The following ORC5 variants were observed in gnomAD, a reference collection of about 807,000 sequenced individuals.
ORC5 encodes the protein protein phosphatase 1, regulatory subunit 117.
In ORC5, 39 loss-of-function variants were observed where a neutral mutation model predicts 58.8. The ratio of observed to expected loss-of-function variants is 0.66; its 90% CI spans 0.51 to 0.87. ORC5 has a LOEUF of 0.87. ORC5 is among the 40% of genes least tolerant of loss of function. The pLI, the probability that ORC5 is intolerant of heterozygous loss-of-function variation, is 0.00. For missense variants in ORC5, 493 were observed against 506.3 expected (o/e 0.97, Z 0.25); for synonymous variants, 218 against 177.6 (o/e 1.23, Z -1.81).
At chr7:104,160,128 T>C (rs1003899376) in intron 12 of ORC5, among the ~76,000 whole-genome samples, 2 of 152,308 alleles carry the variant, frequency 1.3e-5, no homozygotes, top group South Asian at 2.1e-4. Flanking sequence ...TAAATGTAGA[T>C]ACAATTTTCT....
At chr7:104,139,150 T>G (rs931268986) in intron 12 of ORC5, among the ~76,000 whole-genome samples, 3 of 152,244 alleles carry the variant, frequency 2.0e-5, no homozygotes, top group Non-Finnish European at 4.4e-5. Context: ...TTAAACTATC[T>G]GTAATACCTA....
At chr7:104,180,930 C>A (rs1397503409) in intron 8 of ORC5, among the ~76,000 whole-genome samples, 1 of 152,128 alleles carries the variant, frequency 6.6e-6, no homozygotes, top group East Asian at 1.9e-4. Flanking sequence ...CTCTGTCATC[C>A]TACAGTTATT....
At chr7:104,183,753 A>G (rs1162622841) in intron 8 of ORC5, among the ~76,000 whole-genome samples, 190 bp downstream of exon 8, 2 of 152,220 alleles carry the variant, frequency 1.3e-5, no homozygotes, top group Non-Finnish European at 2.9e-5. Context: ...TTCTTCCTTT[A>G]AAAACCTTGT....
chr7:104,165,151 G>C (rs1799085278), intron 11 of ORC5, 84 bp downstream of exon 11: 1 of 707,418 alleles, frequency 1.4e-6, no homozygotes, highest in Non-Finnish European at 2.4e-6. Context: ...ATATTCAAAT[G>C]ACAAATACAA....
At chr7:104,202,604 A>G (rs1403926735) in intron 2 of ORC5, 1 of 434,664 alleles carries the variant, frequency 2.3e-6, no homozygotes, top group Non-Finnish European at 4.6e-6. Flanking sequence ...AGCAGAAACT[A>G]CAGTGTGATA....
In ORC5 at chr7:104,188,137, C is replaced by T. The variant is rs116488459; in HGVS notation, c.684+114G>A. 7.4e-4 allele frequency: 708 copies of T among 955,858 alleles called. No homozygotes were observed. The African/African-American group carries it at 0.01, about 14-fold the overall frequency. The allele number at this position is 955,858 out of a possible 1,614,324, so 59.2% of individuals were successfully genotyped here. On this transcript the variant is annotated intron_variant, in intron 6 of 13. Transcript: ENST00000297431. ...CCAGAATAAAATTTCAGTTTCTAAC[C>T]TATCTCATACCATTTCTACATGGAA...
intron 8 of ORC5, 116 bp from the exon 9 acceptor site, chr7:104,168,641 A>G: frequency 1.9e-6 from 1 of 516,500 alleles, no homozygotes; most frequent in Non-Finnish European, 3.4e-6. Context: ...AACAGAAAAG[A>G]AAAATATATA....
intron 4 of ORC5, among the ~76,000 whole-genome samples, chr7:104,196,601 C>A (rs1241211279): frequency 1.3e-5 from 2 of 152,116 alleles, no homozygotes; most frequent in African/African-American, 2.4e-5. Flanking sequence ...CTCTAAACTT[C>A]CAGCAGATTC....
intron 12 of ORC5, among the ~76,000 whole-genome samples, chr7:104,142,834 G>A (rs1798694255): frequency 6.6e-6 from 1 of 152,148 alleles, no homozygotes; most frequent in African/African-American, 2.4e-5. Flanking sequence ...ACTATGAAAA[G>A]AAGAGACACA....
At chr7:104,177,969 A>C (rs1799357253) in intron 8 of ORC5, among the ~76,000 whole-genome samples, 1 of 152,162 alleles carries the variant, frequency 6.6e-6, no homozygotes, top group Non-Finnish European at 1.5e-5. Context: ...CCAGTCTATC[A>C]TTGATGGGCA....
Position 104,172,946 on chromosome 7 carries a change from C to T in ORC5, c.825-4421G>A, listed in dbSNP as rs1174142119. ...ATTCAAATATCTAGCATAAATATGG[C>T]AAAGCTAGTACTGACTTTCCTATAG... On this transcript the variant is annotated intron_variant, in intron 8 of 13. Transcript: ENST00000297431. Among the ~76,000 whole-genome samples the T allele has an allele frequency of 2.0e-5, 3 of 147,566 alleles. No individual in the cohort carries two copies. In the East Asian group the frequency reaches 5.9e-4, roughly 29 times the overall value.
At chr7:104,176,916 A>G (rs577755884) in intron 8 of ORC5, among the ~76,000 whole-genome samples, 5 of 152,362 alleles carry the variant, frequency 3.3e-5, no homozygotes, top group African/African-American at 1.2e-4. Flanking sequence ...GTACAAAACT[A>G]TAAACTCAGC....
intron 5 of ORC5, among the ~76,000 whole-genome samples, chr7:104,193,997 C>T (rs1377462429): frequency 6.6e-6 from 1 of 150,862 alleles, no homozygotes; most frequent in South Asian, 2.1e-4. Context: ...TGTGTAATAT[C>T]AACATTTTTT....
At chr7:104,163,900 G>T (rs570543234) in intron 11 of ORC5, among the ~76,000 whole-genome samples, 1 of 152,094 alleles carries the variant, frequency 6.6e-6, no homozygotes, top group South Asian at 2.1e-4. Context: ...GCAGACTCTC[G>T]CTCTTCTACA....
Position 104,204,249 on chromosome 7 carries a change from G to C in ORC5, c.73-15C>G. ...AAATGATGTCTCTAACGAGAGAAAA[G>C]ACAAATATGAGGCTGCACATACAAA... On this transcript the variant is annotated splice_polypyrimidine_tract_variant and intron_variant, in intron 1 of 13. Transcript: ENST00000297431. The C allele has an allele frequency of 7.2e-7, 1 of 1,398,130 alleles. No homozygotes were observed. The highest frequency in any genetic ancestry group is 1.0e-6 in the Non-Finnish European group (1 of 993,708). The allele number at this position is 1,398,130 out of a possible 1,614,324, so 86.6% of individuals were successfully genotyped here. A position where few individuals can be genotyped will look rare whatever the true frequency, so the allele number is the denominator to read the frequency against.
chr7:104,166,690 T>G, intron 10 of ORC5, 82 bp downstream of exon 10: 1 of 767,434 alleles, frequency 1.3e-6, no homozygotes, highest in African/African-American at 1.7e-5. Flanking sequence ...CTCTTCCCCT[T>G]AGAAATTTAC....
At chr7:104,157,500 G>T (rs938412253) in intron 12 of ORC5, among the ~76,000 whole-genome samples, 3 of 151,968 alleles carry the variant, frequency 2.0e-5, no homozygotes, top group African/African-American at 7.2e-5. Context: ...TGTCAAGTTT[G>T]AAAAAAATTT....
intron 6 of ORC5, among the ~76,000 whole-genome samples, chr7:104,186,987 T>C (rs1799558191): frequency 6.6e-6 from 1 of 152,214 alleles, no homozygotes; most frequent in South Asian, 2.1e-4. Flanking sequence ...CATTTTATTT[T>C]CCCATAAATA....
intron 9 of ORC5, among the ~76,000 whole-genome samples, chr7:104,167,302 AC>A (rs1799124569): frequency 6.6e-6 from 1 of 152,120 alleles, no homozygotes; most frequent in African/African-American, 2.4e-5. Context: ...AATGCTTGGG[AC>A]CAGAAGTGTT....
Sources: gnomAD v4.1 joint callset for allele counts (sites outside exome capture counted in the v4.1 genomes callset) on GRCh38, gnomAD v4.1.1 for gene constraint, MANE v1.5 for transcripts, NCBI Gene and HGNC (gene_info 2026-07-23, HGNC 2026-07-21) for gene names.